The following PTPN14 variants were observed in gnomAD, a reference collection of about 807,000 sequenced individuals.
The protein encoded by PTPN14 is tyrosine-protein phosphatase non-receptor type 14.
A neutral mutation model predicts 126.8 loss-of-function variants in PTPN14; 53 were observed. The ratio of observed to expected loss-of-function variants is 0.42; its 90% CI spans 0.34 to 0.53. The LOEUF is 0.53. Ranked by LOEUF, PTPN14 falls within the 20% of genes least tolerant of loss-of-function variation. The pLI, the probability that PTPN14 is intolerant of heterozygous loss-of-function variation, is 0.08. For missense variants in PTPN14, 1,257 were observed against 1,552.9 expected, an observed-to-expected ratio of 0.81 and a Z score of 3.20; for synonymous variants, 630 against 599.3, an observed-to-expected ratio of 1.05 and a Z score of -0.75.
At chr1:214,477,930 T>C (rs2102671226) in intron 1 of PTPN14, among the ~76,000 whole-genome samples, 1 of 152,246 alleles carries the variant, frequency 6.6e-6, no homozygotes, top group African/African-American at 2.4e-5. Context: ...ATTTCAAACC[T>C]CCCTAGGAAT....
chr1:214,386,870 T>G lies in PTPN14; in HGVS notation c.1040A>C (p.His347Pro). 3 of 1,608,344 alleles carry G rather than the reference T, an allele frequency of 1.9e-6. No homozygotes were observed. The highest frequency in any genetic ancestry group is 1.7e-6 in the Non-Finnish European group (2 of 1,174,964). The change falls in exon 12 of 19, where the codon CAC (histidine) becomes CCC (proline). Residue 347 changes from histidine (H) to proline (P), a missense_variant. This residue lies in a region of PTPN14 where 1,021 missense variants were observed against 1,183.3 expected (regional missense o/e 0.86). Coordinates refer to ENST00000366956, the MANE Select transcript of PTPN14 (RefSeq NM_005401.5). ...LPPVHVQCGE[H>P]YSETHTSQDS... ...TTGCGAGGTGTGCGTTTCCGAGTAG[T>G]GCTCACCACACTGGACGTGAACGGG...
intron 1 of PTPN14, among the ~76,000 whole-genome samples, chr1:214,542,661 C>G (rs1464333051): frequency 6.6e-6 from 1 of 151,624 alleles, no homozygotes; most frequent in Non-Finnish European, 1.5e-5. Context: ...TGAAGGAGGG[C>G]TTGGAGGGAT....
At chr1:214,398,109 G>T in intron 7 of PTPN14, 108 bp from the exon 8 acceptor site, 2 of 854,494 alleles carry the variant, frequency 2.3e-6, no homozygotes, top group Non-Finnish European at 3.8e-6. Context: ...CAGATGAATG[G>T]ATAAAGAAAA....
intron 14 of PTPN14, 54 bp from the exon 15 acceptor site, chr1:214,376,491 T>C (rs1658346424): frequency 4.2e-6 from 6 of 1,412,322 alleles, no homozygotes; most frequent in East Asian, 2.3e-5. Context: ...AAAAACTCAA[T>C]GAAACAACCA....
At position 214,413,084 on chromosome 1, in the gene PTPN14, C is replaced by T. The variant is rs530108830; in HGVS notation, c.443-1333G>A. Among the ~76,000 whole-genome samples, 21 of 152,184 alleles carry T rather than the reference C, an allele frequency of 1.4e-4. No homozygotes were observed. In the South Asian group the frequency reaches 4.1e-3, roughly 30 times the overall value. Reference sequence around the variant, plus strand: ...TAGAGACAGAGTCTCGTTTTGTTGCCCAGGGTGGTCTCAAACTCCTGGTTT... The same window carrying T: ...TAGAGACAGAGTCTCGTTTTGTTGCTCAGGGTGGTCTCAAACTCCTGGTTT... On this transcript the variant is annotated intron_variant, in intron 4 of 18. Transcript: ENST00000366956.
At chr1:214,440,045 A>C (rs1660004550) in intron 3 of PTPN14, among the ~76,000 whole-genome samples, 1 of 151,730 alleles carries the variant, frequency 6.6e-6, no homozygotes, top group Non-Finnish European at 1.5e-5. Flanking sequence ...AGGGGAGGGG[A>C]GGATTGGCAA....
At chr1:214,508,882 T>A (rs1571632585) in intron 1 of PTPN14, among the ~76,000 whole-genome samples, 1 of 152,222 alleles carries the variant, frequency 6.6e-6, no homozygotes, top group African/African-American at 2.4e-5. Context: ...GGTGACAAGA[T>A]GCATTGTCAA....
intron 1 of PTPN14, among the ~76,000 whole-genome samples, chr1:214,520,749 G>A (rs1655235084): frequency 6.6e-6 from 1 of 151,968 alleles, no homozygotes; most frequent in South Asian, 2.1e-4. Context: ...GAGTTTATTG[G>A]GATCAGTCTT....
intron 1 of PTPN14, among the ~76,000 whole-genome samples, chr1:214,468,567 G>A (rs1338675216): frequency 2.0e-5 from 3 of 151,758 alleles, no homozygotes; most frequent in African/African-American, 4.8e-5. Flanking sequence ...ACAAAAAAAA[G>A]AAAAGAAAAG....
At chr1:214,466,106 G>A (rs1325616442) in intron 1 of PTPN14, among the ~76,000 whole-genome samples, 8 of 150,944 alleles carry the variant, frequency 5.3e-5, no homozygotes, top group Admixed American at 3.3e-4. Context: ...ACAGGCACCC[G>A]CCACCACACC....
At chr1:214,479,141 T>C (rs1660928757) in intron 1 of PTPN14, among the ~76,000 whole-genome samples, 1 of 150,952 alleles carries the variant, frequency 6.6e-6, no homozygotes, top group Non-Finnish European at 1.5e-5. Flanking sequence ...AGTCCAGGAG[T>C]TTGTGACCAG....
rs559514988 is a variant in PTPN14 at position 214,476,883 on chromosome 1, G to A, written c.-154-11926C>T. Among the ~76,000 whole-genome samples the A allele has an allele frequency of 7.9e-5, 12 of 152,224 alleles. No homozygotes were observed. In the South Asian group the frequency reaches 1.2e-3, roughly 16 times the overall value. ...CATTGGTTATGTGTTTGCTATCACCGCCATTATTATCCTTGCTACTTCACG... is the reference window on the plus strand; with the variant it reads ...CATTGGTTATGTGTTTGCTATCACCACCATTATTATCCTTGCTACTTCACG... On this transcript the variant is annotated intron_variant, in intron 1 of 18. Coordinates refer to ENST00000366956, the MANE Select transcript of PTPN14 (RefSeq NM_005401.5).
intron 1 of PTPN14, among the ~76,000 whole-genome samples, chr1:214,546,095 C>A (rs1314793715): frequency 6.6e-6 from 1 of 152,132 alleles, no homozygotes; most frequent in Non-Finnish European, 1.5e-5. Flanking sequence ...CCATACCAAG[C>A]CTGAGGAACA....
At chr1:214,455,330 C>CA (rs1660359522) in intron 2 of PTPN14, among the ~76,000 whole-genome samples, 1 of 152,194 alleles carries the variant, frequency 6.6e-6, no homozygotes, top group Admixed American at 6.5e-5. Context: ...TTGAAGAAAG[C>CA]ATGGTGGATG....
intron 16 of PTPN14, 47 bp downstream of exon 16, chr1:214,372,664 C>T (rs754248652): frequency 1.5e-5 from 24 of 1,612,778 alleles, no homozygotes; most frequent in Non-Finnish European, 1.9e-5. Context: ...CTTCTGGCCA[C>T]CCTTTCCCCT....
chr1:214,357,805 G>T lies in PTPN14; in HGVS notation c.*117C>A, dbSNP rs2102500240. 1 of 747,482 alleles carries T rather than the reference G, an allele frequency of 1.3e-6. No individual in the cohort carries two copies. Among genetic ancestry groups the T allele is most frequent in the Non-Finnish European group, 2.2e-6 (1 of 451,032 alleles). 46.3% of individuals were successfully genotyped at this position (747,482 alleles called of 1,614,324 possible). A position where few individuals can be genotyped will look rare whatever the true frequency, so the allele number is the denominator to read the frequency against. On this transcript the variant is annotated 3_prime_UTR_variant, in exon 19 of 19. Coordinates refer to ENST00000366956, the MANE Select transcript of PTPN14 (RefSeq NM_005401.5). ...AATAATCTTGGCTACTGTCTTCAGA[G>T]AGCCTGTTTGCTGCCAGCCACCTGC...
chr1:214,484,635 G>C (rs913363275), intron 1 of PTPN14, among the ~76,000 whole-genome samples: 2 of 152,214 alleles, frequency 1.3e-5, no homozygotes, highest in Non-Finnish European at 2.9e-5. Context: ...AAACCTGGCA[G>C]AGAAAGCTAA....
At chr1:214,511,053 GT>G (rs11335308) in intron 1 of PTPN14, among the ~76,000 whole-genome samples, 41,465 of 147,262 alleles carry the variant, frequency 0.28, 6,950 homozygotes, top group East Asian at 0.52. Flanking sequence ...TAAGTCTTTG[GT>G]TTTTTTTTTT....
intron 13 of PTPN14, among the ~76,000 whole-genome samples, chr1:214,379,044 G>C (rs1658411560): frequency 6.6e-6 from 1 of 152,178 alleles, no homozygotes. Context: ...AACCGAGTAT[G>C]AAAAAGCTCT....
Sources: gnomAD v4.1 joint callset for allele counts (sites outside exome capture counted in the v4.1 genomes callset) on GRCh38, gnomAD v4.1.1 for gene constraint, gnomAD v4.1.1 regional missense constraint, MANE v1.5 for transcripts, NCBI Gene and HGNC (gene_info 2026-07-23, HGNC 2026-07-21) for gene names.